The following IREB2 variants were observed in gnomAD, a reference collection of about 807,000 sequenced individuals.
IREB2 encodes iron responsive element binding protein 2.
In IREB2, 39 loss-of-function variants were observed where a neutral mutation model predicts 118.8. That is an observed-to-expected ratio of 0.33 (90% CI 0.25 to 0.43). The LOEUF (loss-of-function observed/expected upper bound fraction) is 0.43, where lower values mean the gene tolerates loss of function less well. Ranked by LOEUF, IREB2 falls within the 20% of genes least tolerant of loss-of-function variation. The pLI is 1.00. For synonymous variants in IREB2, 372 were observed against 392.2 expected (o/e 0.95, Z 0.61); for missense variants, 900 against 1,147.3 (o/e 0.78, Z 3.11).
rs905391718 is a variant in IREB2, at chr15:78,458,002, T to A, written c.107-4920T>A. On this transcript the variant is annotated intron_variant, in intron 2 of 21. Transcript: ENST00000258886. The stretch of plus-strand genomic sequence containing the variant: ...TTAAGTGCCAACTATTTATTGTAAT[T>A]TGAGAGCTTTACATGTACCAACTAG... 2.0e-5 allele frequency among the ~76,000 whole-genome samples: 3 copies of A among 152,126 alleles called. No individual in the cohort carries two copies. In the South Asian group the frequency reaches 6.2e-4, roughly 32 times the overall value.
chr15:78,457,654 G>A (rs569804262), intron 2 of IREB2, among the ~76,000 whole-genome samples: 218 of 152,026 alleles, frequency 1.4e-3, no homozygotes, highest in African/African-American at 4.7e-3. Flanking sequence ...TTAAGTTTCA[G>A]CTGTCTCTCC....
intron 16 of IREB2, among the ~76,000 whole-genome samples, chr15:78,489,262 A>G (rs1347540905): frequency 1.3e-5 from 2 of 151,916 alleles, no homozygotes; most frequent in East Asian, 3.9e-4. Flanking sequence ...TTAGAGGATC[A>G]GAATTCATTA....
intron 17 of IREB2, 41 bp downstream of exon 17, chr15:78,490,567 T>G: frequency 1.9e-6 from 3 of 1,606,752 alleles, no homozygotes; most frequent in Non-Finnish European, 2.5e-6. Flanking sequence ...AAGATTGTTA[T>G]AAACTAAGAA....
chr15:78,438,068 AGCG>A, upstream of IREB2: 1 of 491,284 alleles, frequency 2.0e-6, no homozygotes, highest in Non-Finnish European at 3.7e-6. Context: ...TCGCGAGAAC[AGCG>A]GCGACGGCGC....
At chr15:78,494,117 A>T in intron 19 of IREB2, 25 bp from the exon 20 acceptor site, 3 of 1,612,826 alleles carry the variant, frequency 1.9e-6, no homozygotes, top group Non-Finnish European at 2.5e-6. Flanking sequence ...GTATTAAAAA[A>T]TTTTGTGTTT....
Position 78,454,356 on chromosome 15 carries a change from T to G in IREB2, c.107-8566T>G, listed in dbSNP as rs2568496. 6.1e-3 allele frequency among the ~76,000 whole-genome samples: 928 copies of G among 152,252 alleles called. 13 individuals carry two copies. The highest frequency in any genetic ancestry group is 0.022 in the African/African-American group (895 of 41,550). ...ATACTATTTGGCAGTAAAAAGAAAT[T>G]GACTACAGATACTTGCTACAATGTG... On this transcript the variant is annotated intron_variant, in intron 2 of 21. Coordinates refer to ENST00000258886, the MANE Select transcript of IREB2 (RefSeq NM_004136.4).
intron 2 of IREB2, among the ~76,000 whole-genome samples, chr15:78,458,944 T>C (rs529995650): frequency 6.6e-6 from 1 of 152,154 alleles, no homozygotes; most frequent in African/African-American, 2.4e-5. Flanking sequence ...AGCCACACTC[T>C]CACACCAGGA....
At chr15:78,492,001 T>C (rs1442838503) in intron 18 of IREB2, among the ~76,000 whole-genome samples, 4 of 152,234 alleles carry the variant, frequency 2.6e-5, no homozygotes, top group African/African-American at 4.8e-5. Context: ...CCTCCTGATA[T>C]GTATTTCTTA....
chr15:78,469,375 G>A lies in IREB2; in HGVS notation c.630-1157G>A, dbSNP rs2051336614. 3.3e-5 allele frequency among the ~76,000 whole-genome samples: 5 copies of A among 151,956 alleles called. No individual in the cohort carries two copies. In the South Asian group the frequency reaches 1.0e-3, roughly 32 times the overall value. ...GAAAAATCTCACTAAGATATGCTTGGCTTCAAAAGATGACTCAACTATGAA... is the reference window on the plus strand; with the variant it reads ...GAAAAATCTCACTAAGATATGCTTGACTTCAAAAGATGACTCAACTATGAA... On this transcript the variant is annotated intron_variant, in intron 5 of 21. Transcript: ENST00000258886.
chr15:78,444,981 C>G (rs1341046783), intron 2 of IREB2, among the ~76,000 whole-genome samples: 1 of 152,116 alleles, frequency 6.6e-6, no homozygotes, highest in African/African-American at 2.4e-5. Context: ...TAACTTTTCT[C>G]TATTTATAAA....
At position 78,488,265 on chromosome 15, in the gene IREB2, C is replaced by G. The variant is rs756833503; in HGVS notation, c.1880C>G (p.Ala627Gly). 6.2e-7 allele frequency: 1 copy of G among 1,611,728 alleles called. No individual in the cohort carries two copies. The highest frequency in any genetic ancestry group is 8.5e-7 in the Non-Finnish European group (1 of 1,179,264). The change falls in exon 15 of 22, where the codon GCC becomes GGC. Residue 627 changes from alanine (A) to glycine (G), a missense_variant. Physicochemically the swap from Ala to Gly is moderately conservative, Grantham distance 60. Coordinates refer to ENST00000258886, the MANE Select transcript of IREB2 (RefSeq NM_004136.4). Reference sequence around the variant, plus strand: ...GATTGTGTTCGTGCCAATTATCTTGCCTCTCCACCCTTAGTGGTAGCTTAT... The same window carrying G: ...GATTGTGTTCGTGCCAATTATCTTGGCTCTCCACCCTTAGTGGTAGCTTAT... ...LCDCVRANYLASPPLVVAYAI... is the reference protein window; with the variant it reads ...LCDCVRANYLGSPPLVVAYAI...
intron 8 of IREB2, chr15:78,473,635 A>G (rs568556479): frequency 9.3e-5 from 36 of 388,688 alleles, no homozygotes; most frequent in African/African-American, 5.2e-4. Flanking sequence ...GATGGATACT[A>G]TTACTATTCT....
Position 78,476,226 on chromosome 15 carries a change from G to A in IREB2, c.1062G>A (p.Glu354=). The A allele has an allele frequency of 1.2e-6, 2 of 1,601,712 alleles. No homozygotes were observed. Among genetic ancestry groups the A allele is most frequent in the Non-Finnish European group, 1.7e-6 (2 of 1,170,796 alleles). The change falls in exon 9 of 22, where the codon GAG becomes GAA. Residue 354 remains glutamate, a synonymous_variant. Coordinates refer to ENST00000258886, the MANE Select transcript of IREB2 (RefSeq NM_004136.4). ...TAGGAGTGGCTGGAAAGTTTGTTGA[G>A]TTTTTTGGAAGTGGAGTTTCACAAT... The part of the protein sequence containing the change: ...RQVGVAGKFV[E]FFGSGVSQLS...
chr15:78,470,689 C>A, intron 6 of IREB2, 88 bp downstream of exon 6: 1 of 209,424 alleles, frequency 4.8e-6, no homozygotes, highest in Non-Finnish European at 8.4e-6. Context: ...TTTTCTTTTC[C>A]TTTTTTTTTT....
At chr15:78,438,110 C>T (rs2050780364), upstream of IREB2, 1 of 560,014 alleles carries the variant, frequency 1.8e-6, no homozygotes, top group African/African-American at 1.9e-5. Context: ...TAGCTCCGCC[C>T]CTTCCCTTTC....
chr15:78,488,341 C>A lies in IREB2; in HGVS notation c.1951+5C>A, dbSNP rs762184321. On this transcript the variant is annotated splice_donor_5th_base_variant and intron_variant, in intron 15 of 21. Coordinates refer to ENST00000258886, the MANE Select transcript of IREB2 (RefSeq NM_004136.4). ...ATTTCCAGACAGAACCTTTAGGTAT[C>A]TTTTCCTTTATGTATATGTATACCT... The A allele has an allele frequency of 1.1e-5, 17 of 1,574,426 alleles. No individual in the cohort carries two copies. Among genetic ancestry groups the A allele is most frequent in the Non-Finnish European group, 1.5e-5 (17 of 1,167,644 alleles).
chr15:78,481,450 G>A (rs1325857256), intron 10 of IREB2, among the ~76,000 whole-genome samples: 1 of 151,678 alleles, frequency 6.6e-6, no homozygotes, highest in African/African-American at 2.4e-5. Context: ...CTGCCTCCCA[G>A]GTTCATGCCA....
chr15:78,450,811 G>A (rs1378123395), intron 2 of IREB2, among the ~76,000 whole-genome samples: 1 of 147,906 alleles, frequency 6.8e-6, no homozygotes, highest in Non-Finnish European at 1.5e-5. Flanking sequence ...GGGCTGTGGT[G>A]ATATTAACAA....
rs2051890527 is a variant in IREB2 at position 78,498,968 on chromosome 15, A to T, written c.*825A>T. The T allele has an allele frequency of 6.6e-6, 1 of 152,196 alleles. No homozygotes were observed. The highest frequency in any genetic ancestry group is 2.4e-5 in the African/African-American group (1 of 41,432). 9.4% of individuals were successfully genotyped at this position (152,196 alleles called of 1,614,324 possible). A position where few individuals can be genotyped will look rare whatever the true frequency, so the allele number is the denominator to read the frequency against. ...ATACTGTAACTTCCTATAACCTAAT[A>T]TTTTCGGTATCATTAACCAAAATTT... On this transcript the variant is annotated 3_prime_UTR_variant, in exon 22 of 22. Coordinates refer to ENST00000258886, the MANE Select transcript of IREB2 (RefSeq NM_004136.4).
Sources: gnomAD v4.1 joint callset for allele counts (sites outside exome capture counted in the v4.1 genomes callset) on GRCh38, gnomAD v4.1.1 for gene constraint, MANE v1.5 for transcripts, NCBI Gene and HGNC (gene_info 2026-07-23, HGNC 2026-07-21) for gene names.